Variants in HSD17B12 observed in about 807,000 individuals in gnomAD.
HSD17B12 encodes hydroxysteroid 17-beta dehydrogenase 12, also known as very-long-chain 3-oxoacyl-CoA reductase.
Under a neutral mutation model 39.3 loss-of-function variants are expected in HSD17B12, and 32 were observed. The observed-to-expected ratio is 0.81, with a 90% CI of 0.61 to 1.09. The LOEUF (loss-of-function observed/expected upper bound fraction) is 1.09, where lower values mean the gene tolerates loss of function less well. HSD17B12 is among the 50% of genes least tolerant of loss of function. HSD17B12 has a pLI of 0.00. For missense variants in HSD17B12, 342 were observed against 382.9 expected (o/e 0.89, Z 0.89); for synonymous variants, 150 against 146.7 (o/e 1.02, Z -0.16).
the HSD17B12 span, among the ~76,000 whole-genome samples, chr11:43,626,030 A>G: frequency 6.6e-6 from 1 of 151,622 alleles, no homozygotes; most frequent in African/African-American, 2.4e-5. Context: ...AAATAATTTT[A>G]TTAGTTAAAA....
At position 43,777,221 on chromosome 11, in the gene HSD17B12, G is replaced by A. The variant is rs1458790983; in HGVS notation, c.284-21099G>A. 5.3e-5 allele frequency among the ~76,000 whole-genome samples: 8 copies of A among 152,238 alleles called. No individual in the cohort carries two copies. The East Asian group carries it at 1.5e-3, about 29-fold the overall frequency. ...CAGTATGGCCATTTTCACGATATTG[G>A]TTCTTCCCACCCATGAGCATGGAAT... On this transcript the variant is annotated intron_variant, in intron 3 of 10. Coordinates refer to ENST00000278353, the MANE Select transcript of HSD17B12 (RefSeq NM_016142.3).
chr11:43,798,777 G>A (rs993343298), intron 4 of HSD17B12, among the ~76,000 whole-genome samples: 4 of 152,022 alleles, frequency 2.6e-5, no homozygotes, highest in South Asian at 2.1e-4. Context: ...TAGCTTATGC[G>A]CATCCTTCTG....
In HSD17B12 at chr11:43,815,460, G is replaced by A; in HGVS notation, c.415G>A (p.Glu139Lys). 1 of 1,579,356 alleles carries A rather than the reference G, an allele frequency of 6.3e-7. No homozygotes were observed. Among genetic ancestry groups the A allele is most frequent in the East Asian group, 2.3e-5 (1 of 44,436 alleles). ...ILVNNVGMSY[E>K]YPEYFLDVPD... The stretch of plus-strand genomic sequence containing the variant: ...AGTGAACAACGTGGGAATGTCGTAT[G>A]AGTATCCTGAATACTTTTTGGATGT... The change falls in exon 5 of 11, where the codon GAG becomes AAG. Residue 139 changes from glutamate (E) to lysine (K), a missense_variant. Transcript: ENST00000278353.
intron 3 of HSD17B12, among the ~76,000 whole-genome samples, chr11:43,786,097 G>T (rs1021378461): frequency 6.6e-6 from 1 of 152,056 alleles, no homozygotes; most frequent in Non-Finnish European, 1.5e-5. Flanking sequence ...ATTCATTTTT[G>T]ATAATATGCC....
chr11:43,741,056 A>G (rs1030577247), intron 1 of HSD17B12, among the ~76,000 whole-genome samples: 9 of 152,198 alleles, frequency 5.9e-5, no homozygotes, highest in African/African-American at 1.9e-4. Flanking sequence ...TCTGATTTGG[A>G]TGACTTGGAA....
At chr11:43,830,135 G>A (rs1951293293) in intron 6 of HSD17B12, 1 of 152,100 alleles carries the variant, frequency 6.6e-6, no homozygotes, top group African/African-American at 2.4e-5. Flanking sequence ...TATTATTCAA[G>A]ATAGAAACAA....
intron 9 of HSD17B12, chr11:43,852,200 T>C (rs965785279): frequency 6.6e-6 from 1 of 152,232 alleles, no homozygotes; most frequent in African/African-American, 2.4e-5. Flanking sequence ...ACTAGCTCTA[T>C]GGTTTAGCTG....
At chr11:43,733,682 T>TA (rs1157457873) in intron 1 of HSD17B12, 7 of 478,466 alleles carry the variant, frequency 1.5e-5, no homozygotes, top group Non-Finnish European at 2.8e-5. Flanking sequence ...TAGTAACTTT[T>TA]AAAAAAAGGG....
chr11:43,609,249 C>T, the HSD17B12 span, among the ~76,000 whole-genome samples: 1 of 150,912 alleles, frequency 6.6e-6, no homozygotes, highest in Non-Finnish European at 1.5e-5. Context: ...ATGCACATCT[C>T]CTTTTTAGAA....
intron 1 of HSD17B12, chr11:43,734,181 A>T: frequency 1.3e-6 from 2 of 1,572,214 alleles, no homozygotes; most frequent in South Asian, 2.3e-5. Flanking sequence ...ACCCAGAGAG[A>T]GCTGGTCTCC....
intron 1 of HSD17B12, among the ~76,000 whole-genome samples, chr11:43,747,630 G>T (rs1321669607): frequency 1.3e-5 from 2 of 152,204 alleles, no homozygotes; most frequent in Non-Finnish European, 2.9e-5. Context: ...AATGTGGACA[G>T]ATATGCAGGC....
intron 8 of HSD17B12, 108 bp from the exon 9 acceptor site, chr11:43,839,891 A>G: frequency 1.1e-6 from 1 of 911,560 alleles, no homozygotes; most frequent in Non-Finnish European, 1.7e-6. Context: ...AAAAATGATG[A>G]GAAATTATAG....
intron 3 of HSD17B12, among the ~76,000 whole-genome samples, chr11:43,771,523 G>A (rs900841379): frequency 7.4e-6 from 1 of 134,314 alleles, no homozygotes; most frequent in African/African-American, 2.8e-5. Flanking sequence ...CTGGAGTGCA[G>A]TGGGGCAATC....
the HSD17B12 span, among the ~76,000 whole-genome samples, chr11:43,601,290 T>C: frequency 6.6e-6 from 1 of 152,054 alleles, no homozygotes. Context: ...ATAGGGTGGT[T>C]GTTTCTGTGT....
At chr11:43,748,487 A>C (rs1331775306) in intron 1 of HSD17B12, among the ~76,000 whole-genome samples, 1 of 152,066 alleles carries the variant, frequency 6.6e-6, no homozygotes, top group East Asian at 1.9e-4. Flanking sequence ...GGGTGAGTTG[A>C]AAAACTACCT....
chr11:43,577,285 G>A, the HSD17B12 span, among the ~76,000 whole-genome samples: 1 of 152,240 alleles, frequency 6.6e-6, no homozygotes, highest in Non-Finnish European at 1.5e-5. Flanking sequence ...GGGACGAGAG[G>A]GTTAAGGATG....
At chr11:43,652,981 A>T in the HSD17B12 span, among the ~76,000 whole-genome samples, 13 of 151,448 alleles carry the variant, frequency 8.6e-5, no homozygotes, top group African/African-American at 2.9e-4. Context: ...CTCTGGCAGC[A>T]TTTTTTTTTC....
the HSD17B12 span, among the ~76,000 whole-genome samples, chr11:43,602,666 A>G: frequency 6.6e-6 from 1 of 152,190 alleles, no homozygotes; most frequent in Non-Finnish European, 1.5e-5. Flanking sequence ...AAAGGGATTT[A>G]TGCTATTTAA....
the HSD17B12 span, among the ~76,000 whole-genome samples, chr11:43,565,098 C>A: frequency 6.6e-6 from 1 of 152,198 alleles, no homozygotes; most frequent in Middle Eastern, 3.4e-3. Flanking sequence ...TGGGGTTTCA[C>A]CATGTTGGCC....
Sources: gnomAD v4.1 joint callset for allele counts (sites outside exome capture counted in the v4.1 genomes callset) on GRCh38, gnomAD v4.1.1 for gene constraint, MANE v1.5 for transcripts, NCBI Gene and HGNC (gene_info 2026-07-23, HGNC 2026-07-21) for gene names.